The following BBS9 variants were observed in gnomAD, a reference collection of about 807,000 sequenced individuals.
BBS9 encodes the protein protein PTHB1.
A neutral mutation model predicts 117.7 loss-of-function variants in BBS9; 89 were observed. The ratio of observed to expected loss-of-function variants is 0.76; its 90% CI spans 0.64 to 0.90. BBS9 has a LOEUF of 0.90. Ranked by LOEUF, BBS9 falls within the 40% of genes least tolerant of loss-of-function variation. BBS9 has a pLI of 0.00. For synonymous variants in BBS9, 379 were observed against 370.9 expected, an observed-to-expected ratio of 1.02 and a Z score of -0.25; for missense variants, 982 against 1,042.2, an observed-to-expected ratio of 0.94 and a Z score of 0.80.
At chr7:33,162,166 G>A (rs1794962357) in intron 4 of BBS9, among the ~76,000 whole-genome samples, 1 of 152,056 alleles carries the variant, frequency 6.6e-6, no homozygotes, top group South Asian at 2.1e-4. Flanking sequence ...TTCTTCTAGG[G>A]TTTTTATGGT....
intron 21 of BBS9, among the ~76,000 whole-genome samples, chr7:33,535,407 T>C (rs552499724): frequency 1.3e-5 from 2 of 152,256 alleles, no homozygotes; most frequent in South Asian, 4.2e-4. Flanking sequence ...GGTGGAAAAA[T>C]AGCTGGTTTG....
intron 5 of BBS9, among the ~76,000 whole-genome samples, chr7:33,179,226 C>T (rs1202688342): frequency 6.6e-6 from 1 of 152,078 alleles, no homozygotes; most frequent in African/African-American, 2.4e-5. Flanking sequence ...GTGCTTTGGC[C>T]AAATAAAAGT....
intron 5 of BBS9, among the ~76,000 whole-genome samples, chr7:33,188,099 TG>T (rs2128185513): frequency 1.3e-5 from 1 of 77,792 alleles, no homozygotes; most frequent in Non-Finnish European, 2.5e-5. Flanking sequence ...TGTGTGTGTG[TG>T]TGTGTGTGTG....
At chr7:33,435,284 A>C (rs2128885673) in intron 19 of BBS9, among the ~76,000 whole-genome samples, 2 of 152,314 alleles carry the variant, frequency 1.3e-5, no homozygotes, top group South Asian at 4.1e-4. Flanking sequence ...TATAAAATTT[A>C]CTGGCTATAT....
chr7:33,439,822 C>A (rs983962174), intron 19 of BBS9, among the ~76,000 whole-genome samples: 2 of 152,092 alleles, frequency 1.3e-5, no homozygotes, highest in Admixed American at 6.6e-5. Context: ...CCACTGCGCC[C>A]GGCCTTTTAT....
At chr7:33,406,054 T>C (rs1829914882) in intron 19 of BBS9, among the ~76,000 whole-genome samples, 1 of 152,220 alleles carries the variant, frequency 6.6e-6, no homozygotes, top group South Asian at 2.1e-4. Context: ...GTCTTTGTTC[T>C]CGTTGGTTTC....
chr7:33,526,819 G>A (rs1183411370), intron 20 of BBS9, among the ~76,000 whole-genome samples: 5 of 151,946 alleles, frequency 3.3e-5, no homozygotes, highest in East Asian at 1.9e-4. Flanking sequence ...AGGAGGAGAG[G>A]CCCTCTGCTT....
intron 7 of BBS9, among the ~76,000 whole-genome samples, chr7:33,269,516 C>T (rs923132393): frequency 1.3e-5 from 2 of 152,134 alleles, no homozygotes; most frequent in Non-Finnish European, 2.9e-5. Context: ...TCTGCTGCCT[C>T]TAAGCTGGGG....
intron 5 of BBS9, among the ~76,000 whole-genome samples, chr7:33,188,258 A>C (rs1252146139): frequency 6.6e-6 from 1 of 151,980 alleles, no homozygotes; most frequent in Non-Finnish European, 1.5e-5. Flanking sequence ...TTTCAATTTT[A>C]TGGTCTTCAG....
chr7:33,510,807 A>T (rs143513075), intron 20 of BBS9, among the ~76,000 whole-genome samples: 3 of 152,358 alleles, frequency 2.0e-5, no homozygotes, highest in Admixed American at 2.0e-4. Flanking sequence ...GTTCTGTTGC[A>T]TAGCACTATC....
At chr7:33,632,411 G>C (rs995692643) in intron 21 of BBS9, among the ~76,000 whole-genome samples, 4 of 152,176 alleles carry the variant, frequency 2.6e-5, no homozygotes, top group Non-Finnish European at 5.9e-5. Flanking sequence ...TGTACAATGA[G>C]CCACAAGTGA....
chr7:33,384,525 G>A (rs1030426821), intron 18 of BBS9, among the ~76,000 whole-genome samples: 2 of 152,124 alleles, frequency 1.3e-5, no homozygotes, highest in African/African-American at 4.8e-5. Context: ...GACAGTGACA[G>A]TCATAGTTTT....
At chr7:33,522,295 A>G (rs1182538566) in intron 20 of BBS9, among the ~76,000 whole-genome samples, 1 of 151,988 alleles carries the variant, frequency 6.6e-6, no homozygotes, top group Non-Finnish European at 1.5e-5. Context: ...TGGTATTTCT[A>G]GTTCTAGATC....
At chr7:33,312,312 T>C (rs2128555066) in intron 9 of BBS9, among the ~76,000 whole-genome samples, 1 of 152,348 alleles carries the variant, frequency 6.6e-6, no homozygotes, top group Non-Finnish European at 1.5e-5. Flanking sequence ...CTGTCTTCCT[T>C]AGTGACTGGA....
chr7:33,306,547 C>A (rs1009697903), intron 9 of BBS9, among the ~76,000 whole-genome samples: 1 of 151,976 alleles, frequency 6.6e-6, no homozygotes, highest in Non-Finnish European at 1.5e-5. Context: ...TGATAATAAT[C>A]TGAAAAAGTG....
chr7:33,242,059 G>T (rs1168094905), intron 5 of BBS9, among the ~76,000 whole-genome samples: 22 of 152,032 alleles, frequency 1.4e-4, no homozygotes, highest in Admixed American at 1.4e-3. Context: ...GTAATCTTTT[G>T]TCAGATGTTT....
chr7:33,221,195 A>G (rs1388472143), intron 5 of BBS9, among the ~76,000 whole-genome samples: 1 of 152,058 alleles, frequency 6.6e-6, no homozygotes, highest in Non-Finnish European at 1.5e-5. Flanking sequence ...TAATTATTGC[A>G]TGTGTTATGT....
rs142681221 is a variant in BBS9, at chr7:33,376,375, G to A, written c.1790-7291G>A. Among the ~76,000 whole-genome samples the A allele has an allele frequency of 2.0e-5, 3 of 152,190 alleles. No individual in the cohort carries two copies. The East Asian group carries it at 5.8e-4, about 29-fold the overall frequency. ...ATGTTTCTGCAAAGGACATGATCGT[G>A]TTCTTTATTATTGCTGCACAGTATT... is the stretch of plus-strand genomic sequence containing the variant. On this transcript the variant is annotated intron_variant, in intron 17 of 22. Transcript: ENST00000242067.
Position 33,229,991 on chromosome 7 carries a change from G to T in BBS9, c.443-27245G>T, listed in dbSNP as rs530911583. Among the ~76,000 whole-genome samples the T allele has an allele frequency of 4.6e-5, 7 of 152,204 alleles. No individual in the cohort carries two copies. In the East Asian group the frequency reaches 1.4e-3, roughly 29 times the overall value. ...AACTATCTCATAGTGGTTTTGATTT[G>T]CAGTTCCCTGATGATTAATGATGTT... On this transcript the variant is annotated intron_variant, in intron 5 of 22. Coordinates refer to ENST00000242067, the MANE Select transcript of BBS9 (RefSeq NM_198428.3).
Sources: gnomAD v4.1 joint callset for allele counts (sites outside exome capture counted in the v4.1 genomes callset) on GRCh38, gnomAD v4.1.1 for gene constraint, MANE v1.5 for transcripts, NCBI Gene and HGNC (gene_info 2026-07-23, HGNC 2026-07-21) for gene names.